Variants in CELF2 observed in about 807,000 individuals in gnomAD.
The protein encoded by CELF2 is CUG triplet repeat RNA-binding protein 2.
In CELF2, 8 loss-of-function variants were observed where a neutral mutation model predicts 62.6. That is an observed-to-expected ratio of 0.13 (90% CI 0.07 to 0.23). The LOEUF is 0.23. Ranked by LOEUF, CELF2 falls within the 10% of genes least tolerant of loss-of-function variation. The pLI, the probability that CELF2 is intolerant of heterozygous loss-of-function variation, is 1.00. For synonymous variants in CELF2, 258 were observed against 250.0 expected, an observed-to-expected ratio of 1.03 and a Z score of -0.30; for missense variants, 333 against 671.0, an observed-to-expected ratio of 0.50 and a Z score of 5.56.
chr10:10,698,031 T>A, the CELF2 span, among the ~76,000 whole-genome samples: 1 of 152,208 alleles, frequency 6.6e-6, no homozygotes, highest in Non-Finnish European at 1.5e-5. Context: ...TGACCTGAGG[T>A]GATCCGCCCA....
the CELF2 span, among the ~76,000 whole-genome samples, chr10:10,504,698 C>T: frequency 6.6e-6 from 1 of 152,134 alleles, no homozygotes; most frequent in Middle Eastern, 3.4e-3. Context: ...CTATATGTCC[C>T]TGATACATTT....
intron 1 of CELF2, among the ~76,000 whole-genome samples, chr10:11,081,706 G>GT (rs1019190471): frequency 1.3e-5 from 2 of 152,172 alleles, no homozygotes; most frequent in African/African-American, 4.8e-5. Context: ...TGACAGATTT[G>GT]TTTTTTCTCT....
chr10:11,018,197 G>T, intron 1 of CELF2, 34 bp downstream of exon 1: 1 of 1,492,600 alleles, frequency 6.7e-7, no homozygotes, highest in Non-Finnish European at 9.0e-7. Flanking sequence ...CCGGGCGAGC[G>T]GGCGTCCTCC....
intron 1 of CELF2, among the ~76,000 whole-genome samples, chr10:11,147,962 C>A (rs1201672103): frequency 5.3e-5 from 8 of 152,186 alleles, no homozygotes; most frequent in African/African-American, 1.7e-4. Flanking sequence ...CTCCCTCAGA[C>A]GGCCACAGGG....
In CELF2 at chr10:10,875,626, A is replaced by G. The variant is rs556183418; in HGVS notation, c.54-44338A>G. Among the ~76,000 whole-genome samples, 4 of 152,312 alleles carry G rather than the reference A, an allele frequency of 2.6e-5. No homozygotes were observed. In the South Asian group the frequency reaches 8.3e-4, roughly 32 times the overall value. ...CTTACTAACAATGGTGGTGGTGATCATAGTGGCTTTCCTGCCTGTGCTGGG... is the reference window on the plus strand; with the variant it reads ...CTTACTAACAATGGTGGTGGTGATCGTAGTGGCTTTCCTGCCTGTGCTGGG... On this transcript the variant is annotated intron_variant, in intron 1 of 13. Coordinates refer to the CELF2 transcript ENST00000636488.
the CELF2 span, among the ~76,000 whole-genome samples, chr10:10,525,385 A>G: frequency 6.6e-6 from 1 of 152,132 alleles, no homozygotes; most frequent in African/African-American, 2.4e-5. Flanking sequence ...TTTTTAGCTC[A>G]TCAGGTATAG....
intron 4 of CELF2, among the ~76,000 whole-genome samples, chr10:11,251,663 T>C (rs1009205793): frequency 2.0e-5 from 3 of 152,192 alleles, no homozygotes; most frequent in Non-Finnish European, 4.4e-5. Flanking sequence ...TTAACCTTAC[T>C]CAGCATCAGT....
At chr10:11,281,576 A>T (rs771226648) in intron 8 of CELF2, among the ~76,000 whole-genome samples, 2 of 152,184 alleles carry the variant, frequency 1.3e-5, no homozygotes, top group Non-Finnish European at 2.9e-5. Flanking sequence ...AGCCTGAGCA[A>T]CACAGCAAAA....
intron 2 of CELF2, among the ~76,000 whole-genome samples, chr10:10,956,697 C>A (rs1021982439): frequency 1.3e-5 from 2 of 152,048 alleles, no homozygotes; most frequent in African/African-American, 4.8e-5. Context: ...GGAGGCCAAG[C>A]CGGAGGATTG....
chr10:10,626,507 T>A, the CELF2 span, among the ~76,000 whole-genome samples: 1 of 152,074 alleles, frequency 6.6e-6, no homozygotes, highest in Non-Finnish European at 1.5e-5. Context: ...AAAGCTTTCA[T>A]AGGGAAAGAA....
rs1565962992 is a variant in CELF2, at chr10:11,318,955, G to GC, written c.1097-2231dup. The GC allele has an allele frequency of 2.1e-6, 1 of 471,132 alleles. No homozygotes were observed. Among genetic ancestry groups the GC allele is most frequent in the Non-Finnish European group, 4.4e-6 (1 of 227,050 alleles). The allele number at this position is 471,132 out of a possible 1,614,324, so 29.2% of individuals were successfully genotyped here. On this transcript the variant is annotated intron_variant, in intron 10 of 12. Transcript: ENST00000633077. The surrounding 1 kb of genome is among the most constrained non-coding windows in gnomAD (Gnocchi z 5.4). ...CAAGGCATCATGGTGGTGCGATGCT[G>GC]CCCACCCCTCCATGGGAACTTGGAG...
intron 2 of CELF2, chr10:10,946,887 A>C (rs1231295452): frequency 6.6e-6 from 1 of 152,160 alleles, no homozygotes; most frequent in Non-Finnish European, 1.5e-5. Flanking sequence ...TGACTATACT[A>C]TGTCTGTTTC....
At position 11,315,374 on chromosome 10, in the gene CELF2, A is replaced by G. The variant is rs1283336862; in HGVS notation, c.1096+1116A>G. Among the ~76,000 whole-genome samples the G allele has an allele frequency of 6.6e-6, 1 of 152,184 alleles. No homozygotes were observed. The highest frequency in any genetic ancestry group is 1.5e-5 in the Non-Finnish European group (1 of 68,034). On this transcript the variant is annotated intron_variant, in intron 10 of 12. Transcript: ENST00000633077. This position sits in a 1 kb window ranked among gnomAD's most constrained non-coding sequence, Gnocchi z 5.8. Reference sequence around the variant, plus strand: ...GTTGCCCTATTTTAAGCCATGGTTCAATAAGTGGACTGTTTTTAAAGGGTG... The same window carrying G: ...GTTGCCCTATTTTAAGCCATGGTTCGATAAGTGGACTGTTTTTAAAGGGTG...
the CELF2 span, among the ~76,000 whole-genome samples, chr10:10,582,896 A>G: frequency 1.3e-5 from 2 of 152,198 alleles, no homozygotes; most frequent in Admixed American, 1.3e-4. Flanking sequence ...GAAAGAAGGA[A>G]GTGATGGTTT....
Position 10,997,684 on chromosome 10 carries a change from T to C in CELF2, c.89+77685T>C, listed in dbSNP as rs2054105441. ...AAATAGCAAGAATAAATTCGGTCCC[T>C]TTTCCACATAAATATTACATGCATC... On this transcript the variant is annotated intron_variant, in intron 2 of 13. Coordinates refer to the CELF2 transcript ENST00000636488. This position sits in a 1 kb window ranked among gnomAD's most constrained non-coding sequence, Gnocchi z 5.3. Among the ~76,000 whole-genome samples the C allele has an allele frequency of 6.6e-6, 1 of 152,224 alleles. No homozygotes were observed. Among genetic ancestry groups the C allele is most frequent in the Admixed American group, 6.5e-5 (1 of 15,292 alleles).
chr10:11,319,986 A>G lies in CELF2; in HGVS notation c.1097-1203A>G. On this transcript the variant is annotated intron_variant, in intron 10 of 12. Transcript: ENST00000633077. This position sits in a 1 kb window ranked among gnomAD's most constrained non-coding sequence, Gnocchi z 4.4. Reference sequence around the variant, plus strand: ...TCCATTCTCATTAGACTTCTTACCTATTTTTTCAGTTAGCCATCCTTGCTG... The same window carrying G: ...TCCATTCTCATTAGACTTCTTACCTGTTTTTTCAGTTAGCCATCCTTGCTG... 1 of 382,848 alleles carries G rather than the reference A, an allele frequency of 2.6e-6. No individual in the cohort carries two copies. Among genetic ancestry groups the G allele is most frequent in the Non-Finnish European group, 5.3e-6 (1 of 187,080 alleles). 23.7% of individuals were successfully genotyped at this position (382,848 alleles called of 1,614,324 possible). A position where few individuals can be genotyped will look rare whatever the true frequency, so the allele number is the denominator to read the frequency against.
upstream of CELF2, among the ~76,000 whole-genome samples, chr10:11,017,564 G>A (rs1423284370): frequency 6.6e-6 from 1 of 152,206 alleles, no homozygotes; most frequent in Non-Finnish European, 1.5e-5. This position sits in a 1 kb window ranked among gnomAD's most constrained non-coding sequence, Gnocchi z 5.5. Context: ...CGCCTCCCGC[G>A]GCTGGGCTCT....
chr10:10,677,470 A>G, the CELF2 span, among the ~76,000 whole-genome samples: 106 of 152,338 alleles, frequency 7.0e-4, 1 homozygote, highest in East Asian at 5.8e-3. Flanking sequence ...GACGGTCACA[A>G]TCAGAATTAT....
chr10:11,234,606 C>CT (rs756635067), intron 3 of CELF2, among the ~76,000 whole-genome samples: 6 of 131,120 alleles, frequency 4.6e-5, no homozygotes, highest in African/African-American at 1.1e-4. Flanking sequence ...GGCGTGAACC[C>CT]GGGGGGCGGA....
Sources: allele counts gnomAD v4.1 joint callset (sites outside exome capture counted in the v4.1 genomes callset), GRCh38; gene constraint gnomAD v4.1.1; non-coding constraint Gnocchi (gnomAD v3.1); transcripts MANE v1.5; gene names NCBI Gene and HGNC (gene_info 2026-07-23, HGNC 2026-07-21).